Variants in GSTCD observed in about 807,000 individuals in gnomAD.
GSTCD encodes the protein glutathione S-transferase C-terminal domain-containing protein.
A neutral mutation model predicts 68.3 loss-of-function variants in GSTCD; 44 were observed. The ratio of observed to expected loss-of-function variants is 0.64; its 90% CI spans 0.51 to 0.83. The LOEUF (loss-of-function observed/expected upper bound fraction) is 0.83. GSTCD is among the 40% of genes least tolerant of loss of function. The pLI is 0.00. For missense variants in GSTCD, 739 were observed against 735.9 expected, an observed-to-expected ratio of 1.00 and a Z score of -0.05; for synonymous variants, 273 against 255.2, an observed-to-expected ratio of 1.07 and a Z score of -0.67.
chr4:105,731,778 A>G (rs983862648), intron 5 of GSTCD, among the ~76,000 whole-genome samples: 1 of 152,206 alleles, frequency 6.6e-6, no homozygotes, highest in Non-Finnish European at 1.5e-5. Flanking sequence ...GCCAGTTTTC[A>G]AAGGGAATGC....
chr4:105,719,804 T>G (rs1732804611), intron 3 of GSTCD, among the ~76,000 whole-genome samples: 1 of 152,178 alleles, frequency 6.6e-6, no homozygotes. Flanking sequence ...ACTTTTAATG[T>G]GAAGTTGCTA....
At chr4:105,741,366 A>G (rs1038705857) in intron 5 of GSTCD, among the ~76,000 whole-genome samples, 1 of 152,188 alleles carries the variant, frequency 6.6e-6, no homozygotes, top group Non-Finnish European at 1.5e-5. Flanking sequence ...TTAATTTTAC[A>G]TATTTTCTGA....
rs181166071 is a variant in GSTCD at position 105,720,378 on chromosome 4, A to G, written c.894+851A>G. 3.9e-5 allele frequency among the ~76,000 whole-genome samples: 6 copies of G among 152,266 alleles called. No homozygotes were observed. In the East Asian group the frequency reaches 1.2e-3, roughly 29 times the overall value. On this transcript the variant is annotated intron_variant, in intron 3 of 11. Transcript: ENST00000515279. ...GAAGCATTTCCCCCTTTTCCCTACT[A>G]AGGAATCAGATATTAGATTTCATTC...
intron 3 of GSTCD, among the ~76,000 whole-genome samples, chr4:105,723,370 C>T (rs533151739): frequency 4.0e-5 from 6 of 151,666 alleles, no homozygotes; most frequent in Non-Finnish European, 7.4e-5. Flanking sequence ...TTCAACCAAC[C>T]GCAGATTTAA....
chr4:105,787,267 A>G (rs1735500835), intron 5 of GSTCD, among the ~76,000 whole-genome samples: 2 of 152,100 alleles, frequency 1.3e-5, no homozygotes, highest in Admixed American at 6.5e-5. Context: ...TGTCTAGTTC[A>G]GTAGATCTAA....
chr4:105,823,997 C>T (rs1723456771), intron 7 of GSTCD, among the ~76,000 whole-genome samples: 1 of 152,154 alleles, frequency 6.6e-6, no homozygotes, highest in African/African-American at 2.4e-5. Context: ...CATGTTAAAT[C>T]AGTTCCTCAC....
At chr4:105,801,177 G>C (rs1036758862) in intron 5 of GSTCD, among the ~76,000 whole-genome samples, 12 of 152,148 alleles carry the variant, frequency 7.9e-5, no homozygotes, top group South Asian at 2.1e-4. Context: ...TTCCACCTCA[G>C]CTAGGACTGC....
intron 5 of GSTCD, among the ~76,000 whole-genome samples, chr4:105,794,521 G>C (rs1353898759): frequency 6.6e-6 from 1 of 151,864 alleles, no homozygotes; most frequent in Non-Finnish European, 1.5e-5. Context: ...GAGTTAGGTG[G>C]ATATATAGCA....
chr4:105,760,996 A>ATTTTTTT (rs35581423), intron 5 of GSTCD: 170 of 174,914 alleles, frequency 9.7e-4, no homozygotes, highest in African/African-American at 1.6e-3. Context: ...TCCTTTTTTA[A>ATTTTTTT]TTTTTTTTTT....
At chr4:105,787,744 C>G (rs1430425537) in intron 5 of GSTCD, among the ~76,000 whole-genome samples, 2 of 151,910 alleles carry the variant, frequency 1.3e-5, no homozygotes, top group Non-Finnish European at 2.9e-5. Context: ...GAGAAGCATT[C>G]AATAAAATAG....
chr4:105,801,652 C>T (rs1446217135), intron 5 of GSTCD, among the ~76,000 whole-genome samples: 1 of 151,346 alleles, frequency 6.6e-6, no homozygotes, highest in East Asian at 1.9e-4. Context: ...ATTCATTCTT[C>T]TGCTGTAATG....
intron 5 of GSTCD, among the ~76,000 whole-genome samples, chr4:105,799,266 A>G (rs1349601457): frequency 2.0e-5 from 3 of 152,180 alleles, no homozygotes; most frequent in African/African-American, 7.2e-5. Context: ...AATATCAGTA[A>G]TGAGGCATTT....
chr4:105,778,653 C>T (rs1305994313), intron 5 of GSTCD, among the ~76,000 whole-genome samples: 3 of 151,974 alleles, frequency 2.0e-5, no homozygotes, highest in African/African-American at 7.2e-5. Context: ...TGAAAACAAT[C>T]AAGGGATATA....
At chr4:105,819,986 A>T (rs66778965) in intron 5 of GSTCD, among the ~76,000 whole-genome samples, 1 of 151,754 alleles carries the variant, frequency 6.6e-6, no homozygotes, top group Non-Finnish European at 1.5e-5. Flanking sequence ...ATGAGTATCC[A>T]TGCACTCTTT....
chr4:105,757,659 T>A lies in GSTCD; in HGVS notation c.1240+28160T>A, dbSNP rs888060599. On this transcript the variant is annotated intron_variant, in intron 5 of 11. Coordinates refer to ENST00000515279, the MANE Select transcript of GSTCD (RefSeq NM_001370181.1). Reference sequence around the variant, plus strand: ...CTTGCTAAGATATTTTATATCTCTGTATCAAAAAGTAGAAATCATCAATGT... The same window carrying A: ...CTTGCTAAGATATTTTATATCTCTGAATCAAAAAGTAGAAATCATCAATGT... Among the ~76,000 whole-genome samples, 5 of 152,206 alleles carry A rather than the reference T, an allele frequency of 3.3e-5. No individual in the cohort carries two copies. The East Asian group carries it at 7.7e-4, about 23-fold the overall frequency.
chr4:105,818,398 G>A (rs1723111027), intron 5 of GSTCD, among the ~76,000 whole-genome samples: 2 of 151,776 alleles, frequency 1.3e-5, no homozygotes, highest in Non-Finnish European at 3.0e-5. Context: ...TAAGCAAAGG[G>A]AACAAATTAT....
rs934962902 is a variant in GSTCD, at chr4:105,749,872, C to T, written c.1240+20373C>T. ...TGCCAAAGACTATTAAAAGGATGAC[C>T]AAACAAGCTATAGACTGAAATAAAA... is the stretch of plus-strand genomic sequence containing the variant. On this transcript the variant is annotated intron_variant, in intron 5 of 11. Transcript: ENST00000515279. Among the ~76,000 whole-genome samples, 8 of 151,922 alleles carry T rather than the reference C, an allele frequency of 5.3e-5. No homozygotes were observed. In the East Asian group the frequency reaches 1.5e-3, roughly 29 times the overall value.
intron 5 of GSTCD, among the ~76,000 whole-genome samples, chr4:105,764,474 A>AT: frequency 6.6e-6 from 1 of 152,354 alleles, no homozygotes; most frequent in Non-Finnish European, 1.5e-5. Context: ...AACAATAGAA[A>AT]TTAAGTTTTT....
intron 5 of GSTCD, among the ~76,000 whole-genome samples, chr4:105,785,006 G>GGACA: frequency 6.6e-6 from 1 of 152,244 alleles, no homozygotes; most frequent in African/African-American, 2.4e-5. Context: ...CTACTGGTAT[G>GGACA]CTACTGCTTT....
Sources: allele counts gnomAD v4.1 joint callset (sites outside exome capture counted in the v4.1 genomes callset), GRCh38; gene constraint gnomAD v4.1.1; transcripts MANE v1.5; gene names NCBI Gene and HGNC (gene_info 2026-07-23, HGNC 2026-07-21).